The following SOHLH1 variants were observed in gnomAD, a reference collection of about 807,000 sequenced individuals.
SOHLH1 encodes the protein spermatogenesis- and oogenesis-specific basic helix-loop-helix-containing protein 1.
SOHLH1 carries 23 observed loss-of-function variants against 36.2 expected under a neutral mutation model. The observed-to-expected ratio is 0.64, with a 90% CI of 0.46 to 0.90. The LOEUF is 0.90. Ranked by LOEUF, SOHLH1 falls within the 40% of genes least tolerant of loss-of-function variation. The pLI is 0.00. For missense variants in SOHLH1, 608 were observed against 517.0 expected (o/e 1.18, Z -1.71); for synonymous variants, 289 against 228.3 (o/e 1.27, Z -2.40).
Position 135,698,331 on chromosome 9 carries a change from C to T in SOHLH1, c.343G>A (p.Ala115Thr), listed in dbSNP as rs149838416. 8.1e-6 allele frequency: 13 copies of T among 1,612,904 alleles called. No homozygotes were observed. The highest frequency in any genetic ancestry group is 1.6e-4 in the Middle Eastern group (1 of 6,084). Residue 115 changes from alanine to threonine, a missense_variant and splice_region_variant, in exon 3 of 8, where the codon GCT becomes ACT. Transcript: ENST00000425225. ...SALGPSQEQH[A>T]ILASSKEMWH... ...CGGCGTCTACCCTTACAACTCACAG[C>T]GTGCTGCTCCTGACTGGGCCCCAGG...
At chr9:135,694,054 C>CGCCAT in intron 7 of SOHLH1, 1 of 1,426,436 alleles carries the variant, frequency 7.0e-7, no homozygotes, top group Non-Finnish European at 9.1e-7. Flanking sequence ...AATGGACACA[C>CGCCAT]GCCATGTCAC....
chr9:135,698,433 G>T lies in SOHLH1; in HGVS notation c.241C>A (p.Pro81Thr), dbSNP rs199555922. 1.2e-6 allele frequency: 2 copies of T among 1,613,228 alleles called. No homozygotes were observed. The highest frequency in any genetic ancestry group is 2.2e-5 in the South Asian group (2 of 91,082). The change falls in exon 3 of 8, where the codon CCC becomes ACC. Residue 81 changes from proline (P) to threonine (T), a missense_variant. Physicochemically the swap from Pro to Thr is conservative, Grantham distance 38. Transcript: ENST00000425225. ...TCCTCCCGCCGGCCATCGAACTGGG[G>T]CAGCAGGGCCCGCAGACGCTCACAG... ...LSCERLRALL[P>T]QFDGRREDMA...
At chr9:135,694,131 G>A (rs1225330491) in intron 7 of SOHLH1, 7 of 1,432,990 alleles carry the variant, frequency 4.9e-6, no homozygotes, top group African/African-American at 2.9e-5. Flanking sequence ...GGGTCAAGGG[G>A]AAGAATACAG....
rs1012738837 is a variant in SOHLH1, at chr9:135,697,640, T to C, written c.346-13A>G. On this transcript the variant is annotated splice_polypyrimidine_tract_variant and intron_variant, in intron 3 of 7. Coordinates refer to ENST00000425225, the MANE Select transcript of SOHLH1 (RefSeq NM_001101677.2). ...AGGAAGCAAGAATCTGAAATTTAAG[T>C]AAACATGTAAAACAAAGACAGAGAC... 1.2e-5 allele frequency: 20 copies of C among 1,608,386 alleles called. No homozygotes were observed. The highest frequency in any genetic ancestry group is 1.7e-5 in the Non-Finnish European group (20 of 1,177,596).
chr9:135,701,444 C>A (rs950726001), upstream of SOHLH1, among the ~76,000 whole-genome samples: 2 of 152,228 alleles, frequency 1.3e-5, no homozygotes, highest in South Asian at 4.1e-4. Context: ...GGACAGAAAT[C>A]GCAGTTCTCC....
At chr9:135,696,424 A>C (rs1158261572) in intron 5 of SOHLH1, among the ~76,000 whole-genome samples, 188 bp downstream of exon 5, 1 of 152,036 alleles carries the variant, frequency 6.6e-6, no homozygotes, top group Admixed American at 6.5e-5. Context: ...TCCTTTTCAC[A>C]AAAGCAGGCA....
chr9:135,700,013 CAG>C (rs1834978529), upstream of SOHLH1, among the ~76,000 whole-genome samples: 1 of 152,138 alleles, frequency 6.6e-6, no homozygotes, highest in Non-Finnish European at 1.5e-5. Flanking sequence ...CGCTGCGCCT[CAG>C]GGTAGGGTCA....
chr9:135,697,011 G>A (rs1273646429), intron 4 of SOHLH1, among the ~76,000 whole-genome samples: 4 of 152,134 alleles, frequency 2.6e-5, no homozygotes, highest in Admixed American at 6.6e-5. Context: ...AACTCCTCCG[G>A]TTCTAGATTC....
chr9:135,694,351 C>A (rs1834705653), intron 7 of SOHLH1, 36 bp downstream of exon 7: 2 of 1,611,790 alleles, frequency 1.2e-6, no homozygotes, highest in African/African-American at 1.3e-5. Context: ...GGTGCTTACG[C>A]GGGGGGACCA....
chr9:135,700,135 G>A (rs928935454), upstream of SOHLH1, among the ~76,000 whole-genome samples: 1 of 152,100 alleles, frequency 6.6e-6, no homozygotes, highest in African/African-American at 2.4e-5. Flanking sequence ...CCTCGGAACC[G>A]TCTGTCCCTT....
intron 2 of SOHLH1, 113 bp from the exon 3 acceptor site, chr9:135,698,589 C>T: frequency 6.8e-7 from 1 of 1,468,304 alleles, no homozygotes; most frequent in East Asian, 2.3e-5. Context: ...GCAGAGGGGG[C>T]TACAAGATGA....
chr9:135,696,669 T>G lies in SOHLH1; in HGVS notation c.604A>C (p.Lys202Gln). 6.2e-7 allele frequency: 1 copy of G among 1,612,890 alleles called. No individual in the cohort carries two copies. Among genetic ancestry groups the G allele is most frequent in the Non-Finnish European group, 8.5e-7 (1 of 1,179,900 alleles). ...PASCTSLGTD[K>Q]CEALLGLCQV... ...CACAGCCCCAACAGTGCCTCACACT[T>G]GTCCGTGCCCAGGGACGTGCAGCTC... is the stretch of plus-strand genomic sequence containing the variant. Residue 202 changes from lysine (K) to glutamine (Q), a missense_variant, in exon 5 of 8, where the codon AAG (lysine) becomes CAG (glutamine). Physicochemically the swap from Lys to Gln is moderately conservative, Grantham distance 53. Coordinates refer to ENST00000425225, the MANE Select transcript of SOHLH1 (RefSeq NM_001101677.2).
chr9:135,695,949 G>A (rs953721210), intron 5 of SOHLH1, among the ~76,000 whole-genome samples: 20 of 152,188 alleles, frequency 1.3e-4, no homozygotes, highest in African/African-American at 4.1e-4. Context: ...TAGGCGGAAG[G>A]GCAGATGGGG....
chr9:135,699,464 C>G lies in SOHLH1; in HGVS notation c.4G>C (p.Ala2Pro). The change falls in exon 1 of 8, where the codon GCG becomes CCG. Residue 2 changes from alanine (A) to proline (P), a missense_variant. Physicochemically the swap from Ala to Pro is conservative, Grantham distance 27 (BLOSUM62 -1). Coordinates refer to ENST00000425225, the MANE Select transcript of SOHLH1 (RefSeq NM_001101677.2). Reference sequence around the variant, plus strand: ...GGGTAGGGCTCGGAGCACCGGGACGCCATGAACTCGCAGCTGCGGAGCGAC... The same window carrying G: ...GGGTAGGGCTCGGAGCACCGGGACGGCATGAACTCGCAGCTGCGGAGCGAC... Reference protein sequence around the residue: MASRCSEPYPEV... With the variant: MPSRCSEPYPEV... The G allele has an allele frequency of 6.2e-7, 1 of 1,612,114 alleles. No homozygotes were observed. Among genetic ancestry groups the G allele is most frequent in the Non-Finnish European group, 8.5e-7 (1 of 1,179,744 alleles).
chr9:135,701,283 G>A (rs1835026667), upstream of SOHLH1, among the ~76,000 whole-genome samples: 1 of 152,022 alleles, frequency 6.6e-6, no homozygotes, highest in Non-Finnish European at 1.5e-5. Context: ...AAACAGGGAA[G>A]GACCCTCTGG....
rs1001674599 is a variant in SOHLH1, at chr9:135,699,238, C to A, written c.66-112G>T. 9 of 1,518,092 alleles carry A rather than the reference C, an allele frequency of 5.9e-6. No homozygotes were observed. In the African/African-American group the frequency reaches 8.3e-5, roughly 14 times the overall value. The allele number at this position is 1,518,092 out of a possible 1,614,324, so 94.0% of individuals were successfully genotyped here. A position where few individuals can be genotyped will look rare whatever the true frequency, so the allele number is the denominator to read the frequency against. ...GTGCGGGTGGAAGCCAAGACTGGGT[C>A]ACGTAGGGACACGGCCCGGCCCTCT... On this transcript the variant is annotated intron_variant, in intron 1 of 7. Coordinates refer to ENST00000425225, the MANE Select transcript of SOHLH1 (RefSeq NM_001101677.2).
At chr9:135,693,945 T>G in intron 7 of SOHLH1, 131 bp from the exon 8 acceptor site, 1 of 1,438,580 alleles carries the variant, frequency 7.0e-7, no homozygotes, top group Admixed American at 2.7e-5. Context: ...GCACAGAGGC[T>G]GTGATGAGGT....
upstream of SOHLH1, chr9:135,699,496 C>T (rs745716133): frequency 1.2e-6 from 2 of 1,605,824 alleles, no homozygotes; most frequent in Non-Finnish European, 8.5e-7. Flanking sequence ...CGACCCCACG[C>T]GCACGGCCCC....
chr9:135,694,914 C>G, intron 6 of SOHLH1, 136 bp downstream of exon 6: 1 of 1,018,872 alleles, frequency 9.8e-7, no homozygotes. Flanking sequence ...CTCCCTCCCA[C>G]GGGCACAGAA....
Sources: gnomAD v4.1 joint callset for allele counts (sites outside exome capture counted in the v4.1 genomes callset) on GRCh38, gnomAD v4.1.1 for gene constraint, MANE v1.5 for transcripts, NCBI Gene and HGNC (gene_info 2026-07-23, HGNC 2026-07-21) for gene names.